DPP10: variants seen among roughly 807,000 people sequenced by gnomAD.
The protein encoded by DPP10 is inactive dipeptidyl peptidase 10.
Under a neutral mutation model 120.9 loss-of-function variants are expected in DPP10, and 33 were observed. The observed-to-expected ratio is 0.27, with a 90% CI of 0.21 to 0.37. The LOEUF (loss-of-function observed/expected upper bound fraction) is 0.37. DPP10 is among the 10% of genes least tolerant of loss of function. The probability of loss-of-function intolerance (pLI) is 1.00; values close to 1 mark genes in which losing one functional copy is unlikely to be tolerated. For synonymous variants in DPP10, 337 were observed against 326.1 expected (o/e 1.03, Z -0.36); for missense variants, 816 against 942.8 (o/e 0.87, Z 1.76).
intron 1 of DPP10, among the ~76,000 whole-genome samples, chr2:114,533,804 G>A (rs1330393381): frequency 6.6e-6 from 1 of 152,034 alleles, no homozygotes; most frequent in Non-Finnish European, 1.5e-5. Context: ...CAGGGTTATT[G>A]TTGAGAAACC....
At chr2:114,836,933 G>A (rs112509229) in intron 1 of DPP10, among the ~76,000 whole-genome samples, 1,735 of 152,220 alleles carry the variant, frequency 0.011, 30 homozygotes, top group African/African-American at 0.038. Flanking sequence ...TGTTCCACCC[G>A]GTCACTGGTG....
chr2:114,654,877 A>G (rs545700511), intron 1 of DPP10, among the ~76,000 whole-genome samples: 1 of 152,278 alleles, frequency 6.6e-6, no homozygotes, highest in East Asian at 1.9e-4. Context: ...AAACATCATA[A>G]GTTAAAAGGA....
At chr2:115,003,780 T>A (rs755645945) in intron 1 of DPP10, among the ~76,000 whole-genome samples, 3 of 152,136 alleles carry the variant, frequency 2.0e-5, no homozygotes, top group Non-Finnish European at 4.4e-5. Flanking sequence ...ATGAATAAGC[T>A]TAAATTGTAA....
intron 10 of DPP10, among the ~76,000 whole-genome samples, chr2:115,750,847 G>C (rs958840224): frequency 6.6e-5 from 10 of 152,172 alleles, no homozygotes; most frequent in South Asian, 2.1e-4. Flanking sequence ...AGATGTTCTT[G>C]TAGCATTTCA....
At chr2:115,175,333 G>C (rs2053616982) in intron 1 of DPP10, among the ~76,000 whole-genome samples, 1 of 152,054 alleles carries the variant, frequency 6.6e-6, no homozygotes, top group Admixed American at 6.5e-5. Flanking sequence ...CTCCGTGATT[G>C]CTTGGTATGC....
chr2:114,942,294 T>TATACATATATATATATATATATATAC (rs1696968849), intron 1 of DPP10, among the ~76,000 whole-genome samples: 1 of 129,416 alleles, frequency 7.7e-6, no homozygotes, highest in South Asian at 2.5e-4. Flanking sequence ...TGTGTATATA[T>TATACATATATATATATATATATATAC]ATACATATAT....
intron 3 of DPP10, among the ~76,000 whole-genome samples, chr2:115,395,352 C>G (rs1377050411): frequency 2.0e-5 from 3 of 152,248 alleles, no homozygotes; most frequent in Middle Eastern, 6.8e-3. Context: ...CTAATTTTAA[C>G]TTAATTTCTC....
chr2:115,165,103 C>G (rs1475674225), intron 1 of DPP10, among the ~76,000 whole-genome samples: 2 of 152,176 alleles, frequency 1.3e-5, no homozygotes, highest in East Asian at 3.8e-4. Context: ...GCTAAGAACT[C>G]TAGTGGCTAA....
intron 3 of DPP10, among the ~76,000 whole-genome samples, chr2:115,382,877 G>T (rs183114110): frequency 6.6e-6 from 1 of 152,298 alleles, no homozygotes; most frequent in African/African-American, 2.4e-5. Context: ...ATACATAATA[G>T]CAACCAATTG....
chr2:114,749,537 T>C (rs1173013959), intron 1 of DPP10, among the ~76,000 whole-genome samples: 1 of 149,838 alleles, frequency 6.7e-6, no homozygotes, highest in Non-Finnish European at 1.5e-5. Context: ...AAGACACTTA[T>C]TCTAGCACTG....
intron 11 of DPP10, 92 bp downstream of exon 11, chr2:115,753,389 A>G: frequency 1.6e-6 from 2 of 1,260,760 alleles, no homozygotes; most frequent in Non-Finnish European, 2.1e-6. Context: ...TACAAAAAAA[A>G]TTCAGTGTTT....
At chr2:115,797,943 ATG>A (rs879656574) in intron 19 of DPP10, among the ~76,000 whole-genome samples, 8 of 132,276 alleles carry the variant, frequency 6.0e-5, no homozygotes, top group Non-Finnish European at 1.0e-4. Flanking sequence ...ATGTGTATAT[ATG>A]TGTGTGTGTG....
intron 5 of DPP10, among the ~76,000 whole-genome samples, chr2:115,527,502 C>T (rs559971090): frequency 2.0e-5 from 3 of 152,130 alleles, no homozygotes; most frequent in South Asian, 4.2e-4. Flanking sequence ...ATACCAAAAG[C>T]ACAGTCCAAA....
At chr2:114,863,495 C>T (rs976611469) in intron 1 of DPP10, among the ~76,000 whole-genome samples, 1 of 152,006 alleles carries the variant, frequency 6.6e-6, no homozygotes, top group Admixed American at 6.6e-5. Flanking sequence ...GGTGGGTTCC[C>T]GTATCTTCAC....
intron 1 of DPP10, among the ~76,000 whole-genome samples, chr2:115,048,703 C>T (rs75676104): frequency 0.15 from 22,139 of 151,970 alleles, 1,718 homozygotes; most frequent in African/African-American, 0.21. Context: ...CATAACAGTG[C>T]ACTTTCTACA....
intron 1 of DPP10, among the ~76,000 whole-genome samples, chr2:114,590,720 C>A (rs945593865): frequency 6.6e-6 from 1 of 151,950 alleles, no homozygotes; most frequent in African/African-American, 2.4e-5. Flanking sequence ...TCCCACCACA[C>A]AAATAAAATA....
chr2:115,327,429 A>G (rs953052328), intron 2 of DPP10, among the ~76,000 whole-genome samples: 2 of 152,060 alleles, frequency 1.3e-5, no homozygotes, highest in African/African-American at 4.8e-5. Context: ...GAAATGATCA[A>G]ACTTAAGATG....
At chr2:115,453,813 A>G (rs1403072126) in intron 3 of DPP10, among the ~76,000 whole-genome samples, 2 of 151,596 alleles carry the variant, frequency 1.3e-5, no homozygotes, top group Non-Finnish European at 3.0e-5. Context: ...CCAAAAGTTA[A>G]TTCTTTAAAA....
chr2:114,985,352 T>C (rs991217439), intron 1 of DPP10, among the ~76,000 whole-genome samples: 1 of 152,332 alleles, frequency 6.6e-6, no homozygotes, highest in Admixed American at 6.5e-5. Flanking sequence ...GGGCTCCTTA[T>C]TTATTTTCTA....
Sources: allele counts gnomAD v4.1 joint callset (sites outside exome capture counted in the v4.1 genomes callset), GRCh38; gene constraint gnomAD v4.1.1; transcripts MANE v1.5; gene names NCBI Gene and HGNC (gene_info 2026-07-23, HGNC 2026-07-21).